The following GABRG3 variants were observed in gnomAD, a reference collection of about 807,000 sequenced individuals.
GABRG3 encodes the protein gamma-aminobutyric acid receptor subunit gamma-3.
In GABRG3, 25 loss-of-function variants were observed where a neutral mutation model predicts 48.8. The ratio of observed to expected loss-of-function variants is 0.51; its 90% confidence interval spans 0.37 to 0.72. The LOEUF is 0.72. Ranked by LOEUF, GABRG3 falls within the 30% of genes least tolerant of loss-of-function variation. The pLI is 0.00. For missense variants in GABRG3, 394 were observed against 577.9 expected, an observed-to-expected ratio of 0.68 and a Z score of 3.26; for synonymous variants, 227 against 217.6, an observed-to-expected ratio of 1.04 and a Z score of -0.38.
At chr15:26,982,344 T>A (rs529975655) in intron 2 of GABRG3, among the ~76,000 whole-genome samples, 5 of 152,290 alleles carry the variant, frequency 3.3e-5, no homozygotes, top group African/African-American at 1.2e-4. Flanking sequence ...TAGGCTACAG[T>A]GAAGCACCTT....
intron 5 of GABRG3, among the ~76,000 whole-genome samples, chr15:27,461,729 G>A (rs534862726): frequency 2.0e-5 from 3 of 152,272 alleles, no homozygotes; most frequent in African/African-American, 7.2e-5. Flanking sequence ...GCTGATTGGT[G>A]CATTTACAAA....
chr15:27,510,915 G>A (rs1890881465), intron 6 of GABRG3, among the ~76,000 whole-genome samples: 2 of 152,082 alleles, frequency 1.3e-5, no homozygotes, highest in South Asian at 4.1e-4. Context: ...TTTTCTTGCA[G>A]TGGTCATAAA....
At chr15:27,243,381 T>C (rs532155395) in intron 3 of GABRG3, among the ~76,000 whole-genome samples, 85 of 152,198 alleles carry the variant, frequency 5.6e-4, no homozygotes, top group African/African-American at 2.0e-3. Flanking sequence ...GAGACTCAAA[T>C]GTAGGCAGGG....
At chr15:27,253,693 T>G (rs985287570) in intron 3 of GABRG3, among the ~76,000 whole-genome samples, 1 of 152,234 alleles carries the variant, frequency 6.6e-6, no homozygotes, top group Non-Finnish European at 1.5e-5. Flanking sequence ...CCGCAGGAGC[T>G]TCCCTCGATG....
At chr15:27,178,431 A>G (rs748970583) in intron 3 of GABRG3, among the ~76,000 whole-genome samples, 3 of 152,224 alleles carry the variant, frequency 2.0e-5, no homozygotes, top group Non-Finnish European at 4.4e-5. Flanking sequence ...TCCAAACGTG[A>G]TAAGTATTAT....
At chr15:27,235,268 G>A (rs1889922869) in intron 3 of GABRG3, among the ~76,000 whole-genome samples, 1 of 152,186 alleles carries the variant, frequency 6.6e-6, no homozygotes, top group Non-Finnish European at 1.5e-5. Context: ...TCCCTGCACA[G>A]AAGATGGTTT....
chr15:27,256,375 T>A lies in GABRG3; in HGVS notation c.271-70434T>A, dbSNP rs28779178. Among the ~76,000 whole-genome samples, 1,379 of 150,042 alleles carry A rather than the reference T, an allele frequency of 9.2e-3. 12 individuals carry two copies. Among genetic ancestry groups the A allele is most frequent in the South Asian group, 0.052 (247 of 4,712 alleles). ...AGAATGGCGTGAACCCGGGAGGCAG[T>A]GCTTGCAGTGAGCCGAGATGGCGCC... On this transcript the variant is annotated intron_variant, in intron 3 of 9. Coordinates refer to ENST00000615808, the MANE Select transcript of GABRG3 (RefSeq NM_033223.5).
chr15:27,313,290 A>ATATATATC (rs1566779218), intron 3 of GABRG3, among the ~76,000 whole-genome samples: 1 of 112,282 alleles, frequency 8.9e-6, no homozygotes, highest in African/African-American at 3.3e-5. Flanking sequence ...ATATATATAT[A>ATATATATC]TATATATATA....
At chr15:26,996,648 ATTTT>A (rs1278723537) in intron 2 of GABRG3, among the ~76,000 whole-genome samples, 1 of 145,020 alleles carries the variant, frequency 6.9e-6, no homozygotes, top group African/African-American at 2.5e-5. Flanking sequence ...TTATTTATTT[ATTTT>A]ATTTTAATTT....
At chr15:27,523,699 A>G (rs1264123811) in intron 7 of GABRG3, among the ~76,000 whole-genome samples, 1 of 151,976 alleles carries the variant, frequency 6.6e-6, no homozygotes, top group African/African-American at 2.4e-5. Flanking sequence ...AATTTTTAGA[A>G]CTGAAAAATA....
At chr15:27,144,234 A>G (rs56785897) in intron 3 of GABRG3, among the ~76,000 whole-genome samples, 3,488 of 152,312 alleles carry the variant, frequency 0.023, 157 homozygotes, top group African/African-American at 0.081. Flanking sequence ...GTGGCATCTT[A>G]ACTTGCTTCA....
At chr15:27,306,612 T>C (rs1197640361) in intron 3 of GABRG3, among the ~76,000 whole-genome samples, 1 of 128,190 alleles carries the variant, frequency 7.8e-6, no homozygotes, top group East Asian at 2.2e-4. Context: ...TGTTTATATA[T>C]AAACATATAT....
chr15:27,241,228 A>T (rs576711030), intron 3 of GABRG3, among the ~76,000 whole-genome samples: 1 of 149,710 alleles, frequency 6.7e-6, no homozygotes, highest in East Asian at 1.9e-4. Flanking sequence ...ACAACAGGTC[A>T]TTGGTCATGA....
chr15:26,990,120 C>G (rs1049188445), intron 2 of GABRG3, among the ~76,000 whole-genome samples: 5 of 152,128 alleles, frequency 3.3e-5, no homozygotes, highest in African/African-American at 1.2e-4. Context: ...TACTAATTTC[C>G]TTTATTTTGG....
chr15:27,406,472 G>A (rs1449576841), intron 5 of GABRG3, among the ~76,000 whole-genome samples: 1 of 152,202 alleles, frequency 6.6e-6, no homozygotes, highest in Non-Finnish European at 1.5e-5. Flanking sequence ...TGGACAGTGT[G>A]ATATGATGTG....
intron 3 of GABRG3, among the ~76,000 whole-genome samples, chr15:27,250,814 G>A (rs1890430470): frequency 6.6e-6 from 1 of 152,312 alleles, no homozygotes; most frequent in Non-Finnish European, 1.5e-5. Flanking sequence ...GGTGGGAAGA[G>A]TGCAGAGGCT....
In GABRG3 at chr15:27,443,106, T is replaced by C. The variant is rs188767770; in HGVS notation, c.575-37544T>C. On this transcript the variant is annotated intron_variant, in intron 5 of 9. Transcript: ENST00000615808. ...GGAGGTAGAGTCTTTAAAGAGGAAATTAAGTTAAAATGAGGTGATGAGCGT... is the reference window on the plus strand; with the variant it reads ...GGAGGTAGAGTCTTTAAAGAGGAAACTAAGTTAAAATGAGGTGATGAGCGT... Among the ~76,000 whole-genome samples the C allele has an allele frequency of 3.7e-3, 570 of 152,210 alleles. 10 individuals are homozygous for C. The highest frequency in any genetic ancestry group is 0.031 in the Admixed American group (478 of 15,294).
intron 3 of GABRG3, among the ~76,000 whole-genome samples, chr15:27,112,097 C>T (rs562696366): frequency 6.6e-6 from 1 of 152,288 alleles, no homozygotes; most frequent in South Asian, 2.1e-4. Flanking sequence ...TGTTTTCTGA[C>T]TCTCAAGCTA....
chr15:27,135,603 G>A (rs951869695), intron 3 of GABRG3, among the ~76,000 whole-genome samples: 11 of 152,130 alleles, frequency 7.2e-5, no homozygotes, highest in African/African-American at 2.7e-4. Context: ...GGGTTCTTGT[G>A]AGAGTTAAAG....
Sources: allele counts gnomAD v4.1 joint callset (sites outside exome capture counted in the v4.1 genomes callset), GRCh38; gene constraint gnomAD v4.1.1; transcripts MANE v1.5; gene names NCBI Gene and HGNC (gene_info 2026-07-23, HGNC 2026-07-21).